Variants in CHRDL1 observed in about 807,000 individuals in gnomAD.
The protein encoded by CHRDL1 is chordin like 1.
In CHRDL1, 19 loss-of-function variants were observed where a neutral mutation model predicts 40.9. The ratio of observed to expected loss-of-function variants is 0.46; its 90% confidence interval spans 0.32 to 0.68. The LOEUF (loss-of-function observed/expected upper bound fraction) is 0.68. Among genes scored for constraint, CHRDL1 ranks in the 30% least tolerant of loss-of-function variants. The pLI, the probability that CHRDL1 is intolerant of heterozygous loss-of-function variation, is 0.03. For synonymous variants in CHRDL1, 136 were observed against 123.4 expected (o/e 1.10, Z -0.68); for missense variants, 329 against 352.1 (o/e 0.93, Z 0.53).
At chrX:110,731,471 C>T (rs2071159359) in intron 4 of CHRDL1, among the ~76,000 whole-genome samples, 1 of 110,926 alleles carries the variant, frequency 9.0e-6, no homozygotes, top group Admixed American at 9.6e-5. Context: ...CCAATATAAG[C>T]CACCAATTCC....
At chrX:110,726,770 A>G (rs1274840469) in intron 4 of CHRDL1, among the ~76,000 whole-genome samples, 1 of 112,063 alleles carries the variant, frequency 8.9e-6, no homozygotes, top group African/African-American at 3.2e-5. Context: ...ATATGAAGGA[A>G]TTTTCCCAAT....
chrX:110,776,640 T>C (rs994407552), intron 2 of CHRDL1, among the ~76,000 whole-genome samples: 1 of 110,985 alleles, frequency 9.0e-6, no homozygotes, highest in African/African-American at 3.3e-5. Context: ...ATAAATACTT[T>C]AAAGTATTTA....
intron 4 of CHRDL1, among the ~76,000 whole-genome samples, chrX:110,744,428 C>T (rs2071413692): frequency 9.0e-6 from 1 of 111,384 alleles, no homozygotes; most frequent in Admixed American, 9.5e-5. Flanking sequence ...CTTTCTAATG[C>T]ATCTCCCTGG....
In CHRDL1 at chrX:110,695,399, C is replaced by T. The variant is rs914347770; in HGVS notation, c.610-1068G>A. 5.4e-5 allele frequency among the ~76,000 whole-genome samples: 6 copies of T among 110,631 alleles called. No individual in the cohort carries two copies. The Admixed American group carries it at 5.7e-4, about 11-fold the overall frequency. On this transcript the variant is annotated intron_variant, in intron 7 of 11. Transcript: ENST00000372042. Reference sequence around the variant, plus strand: ...CTGGTACCTAAGAAAAGCTTAGAGTCTTGTCATACAAGTAATCTTTCAGCA... The same window carrying T: ...CTGGTACCTAAGAAAAGCTTAGAGTTTTGTCATACAAGTAATCTTTCAGCA...
intron 6 of CHRDL1, among the ~76,000 whole-genome samples, chrX:110,716,132 T>G (rs955430566): frequency 4.5e-5 from 5 of 112,297 alleles, no homozygotes; most frequent in African/African-American, 1.6e-4. Context: ...CAATGTTAAC[T>G]GTAGTTTCCT....
chrX:110,683,381 G>A (rs1004365969), intron 9 of CHRDL1, among the ~76,000 whole-genome samples: 1 of 112,106 alleles, frequency 8.9e-6, no homozygotes, highest in African/African-American at 3.2e-5. Context: ...TTTTGGGGAA[G>A]ACAATGTGCT....
At chrX:110,774,993 T>C (rs1040953844) in intron 2 of CHRDL1, among the ~76,000 whole-genome samples, 3 of 111,803 alleles carry the variant, frequency 2.7e-5, no homozygotes, top group African/African-American at 9.7e-5. Flanking sequence ...TGGACCGAAA[T>C]TTCAGTCTCT....
chrX:110,785,803 G>A (rs1391891000), intron 2 of CHRDL1, among the ~76,000 whole-genome samples: 4 of 111,803 alleles, frequency 3.6e-5, no homozygotes, highest in Admixed American at 9.5e-5. Context: ...AACAAATCAT[G>A]TTAATAGAAA....
chrX:110,699,640 T>G (rs1447518486), intron 7 of CHRDL1, among the ~76,000 whole-genome samples: 1 of 112,407 alleles, frequency 8.9e-6, no homozygotes, highest in Non-Finnish European at 1.9e-5. Context: ...TTATATGCAT[T>G]TATATACATG....
intron 4 of CHRDL1, among the ~76,000 whole-genome samples, chrX:110,745,542 C>T (rs1239770613): frequency 9.0e-6 from 1 of 111,669 alleles, no homozygotes; most frequent in African/African-American, 3.3e-5. Flanking sequence ...TGGCAAAGTG[C>T]CATTCATCTG....
Position 110,688,601 on chromosome X carries a change from T to C in CHRDL1, c.981A>G (p.Lys327=), listed in dbSNP as rs1295846596. ...GGCCTCCAACCAACGCACCTTTTGC[T>C]TTTTTACCTGGACACACCTTGCAGC... ...GKCCKVCPGK[K]AKEELPGQSF... is the part of the protein sequence containing the mutation. The change falls in exon 9 of 12, where the codon AAA becomes AAG. Residue 327 remains lysine (K), a synonymous_variant. Transcript: ENST00000372042. 1.8e-5 allele frequency: 22 copies of C among 1,206,560 alleles called. No individual in the cohort carries two copies. The highest frequency in any genetic ancestry group is 2.0e-5 in the Non-Finnish European group (18 of 892,651).
At chrX:110,728,265 T>C (rs1225761856) in intron 4 of CHRDL1, among the ~76,000 whole-genome samples, 14 of 111,186 alleles carry the variant, frequency 1.3e-4, no homozygotes, top group Non-Finnish European at 1.9e-4. Flanking sequence ...AGATATTCTA[T>C]TGCATTCTTT....
intron 8 of CHRDL1, 33 bp from the exon 9 acceptor site, chrX:110,688,836 C>A: frequency 1.9e-6 from 2 of 1,077,406 alleles, no homozygotes; most frequent in Non-Finnish European, 2.6e-6. Context: ...CAATTAAAAG[C>A]TAAGGAGCTA....
intron 4 of CHRDL1, among the ~76,000 whole-genome samples, chrX:110,741,378 T>A (rs2148487425): frequency 9.0e-6 from 1 of 111,462 alleles, no homozygotes; most frequent in Non-Finnish European, 1.9e-5. Flanking sequence ...AATGACTCAG[T>A]GGAAAGTTGC....
At chrX:110,739,311 A>T (rs1306627668) in intron 4 of CHRDL1, among the ~76,000 whole-genome samples, 1 of 111,771 alleles carries the variant, frequency 8.9e-6, no homozygotes, top group Non-Finnish European at 1.9e-5. Flanking sequence ...ACCCATCTCC[A>T]TCCTCCACTC....
At chrX:110,689,076 A>G (rs1315733316) in intron 8 of CHRDL1, among the ~76,000 whole-genome samples, 5 of 5,735 alleles carry the variant, frequency 8.7e-4, no homozygotes, top group South Asian at 5.3e-3. Flanking sequence ...ATATATGTAT[A>G]TATATATATA....
At chrX:110,678,405 T>C (rs934872031) in intron 11 of CHRDL1, among the ~76,000 whole-genome samples, 3 of 111,548 alleles carry the variant, frequency 2.7e-5, no homozygotes, top group African/African-American at 9.8e-5. Flanking sequence ...CCAAATCTTC[T>C]AATCTTTTAG....
chrX:110,718,963 T>C (rs994669118), intron 6 of CHRDL1, among the ~76,000 whole-genome samples: 2 of 111,626 alleles, frequency 1.8e-5, no homozygotes, highest in Admixed American at 9.6e-5. Flanking sequence ...TAAAGTATCT[T>C]ATGTAAGGGA....
At chrX:110,742,693 G>A (rs929419717) in intron 4 of CHRDL1, among the ~76,000 whole-genome samples, 1 of 111,750 alleles carries the variant, frequency 8.9e-6, no homozygotes, top group Non-Finnish European at 1.9e-5. Flanking sequence ...CAAGGGAGAT[G>A]TGGTAGAAGC....
Sources: allele counts gnomAD v4.1 joint callset (sites outside exome capture counted in the v4.1 genomes callset), GRCh38; gene constraint gnomAD v4.1.1; transcripts MANE v1.5; gene names NCBI Gene and HGNC (gene_info 2026-07-23, HGNC 2026-07-21).